ZCCHC14: variants seen among roughly 807,000 people sequenced by gnomAD.
ZCCHC14 encodes the protein zinc finger CCHC domain-containing protein 14.
ZCCHC14 carries 16 observed loss-of-function variants against 85.0 expected under a neutral mutation model. That is an observed-to-expected ratio of 0.19 (90% confidence interval 0.13 to 0.29). The LOEUF is 0.29. Ranked by LOEUF, ZCCHC14 falls within the 10% of genes least tolerant of loss-of-function variation. The probability of loss-of-function intolerance (pLI) is 1.00; values close to 1 mark genes in which losing one functional copy is unlikely to be tolerated. For synonymous variants in ZCCHC14, 775 were observed against 630.7 expected, an observed-to-expected ratio of 1.23 and a Z score of -3.43; for missense variants, 1,303 against 1,443.5, an observed-to-expected ratio of 0.90 and a Z score of 1.58.
chr16:87,432,090 C>A (rs921276595), intron 3 of ZCCHC14, among the ~76,000 whole-genome samples: 3 of 152,214 alleles, frequency 2.0e-5, no homozygotes, highest in African/African-American at 7.2e-5. Context: ...TAGCTACACT[C>A]TTCAAAAAAT....
rs1196103843 is a variant in ZCCHC14 at position 87,420,758 on chromosome 16, T to A, written c.841-42A>T. 2 of 1,521,748 alleles carry A rather than the reference T, an allele frequency of 1.3e-6. No individual in the cohort carries two copies. The highest frequency in any genetic ancestry group is 2.3e-5 in the East Asian group (1 of 42,744). The allele number at this position is 1,521,748 out of a possible 1,614,324, so 94.3% of individuals were successfully genotyped here. A position where few individuals can be genotyped will look rare whatever the true frequency, so the allele number is the denominator to read the frequency against. On this transcript the variant is annotated intron_variant, in intron 4 of 12. Transcript: ENST00000671377. This position sits in a 1 kb window ranked among gnomAD's most constrained non-coding sequence, Gnocchi z 5.0. ...GGTAGAGGAGGTGTGTCCAGACCCA[T>A]CCAACACCAGCAGAATTCTGCTACT...
chr16:87,443,536 G>GACT (rs1910285819), intron 2 of ZCCHC14, among the ~76,000 whole-genome samples: 1 of 152,102 alleles, frequency 6.6e-6, no homozygotes, highest in Non-Finnish European at 1.5e-5. Flanking sequence ...AGAAGTTAGA[G>GACT]ACTAGCCTGG....
At chr16:87,457,425 T>C (rs969762909) in intron 2 of ZCCHC14, among the ~76,000 whole-genome samples, 1 of 152,212 alleles carries the variant, frequency 6.6e-6, no homozygotes. Flanking sequence ...TTCTCCCATC[T>C]GTAAAATGGG....
At chr16:87,417,225 T>C (rs1427446798) in intron 8 of ZCCHC14, among the ~76,000 whole-genome samples, 1 of 152,070 alleles carries the variant, frequency 6.6e-6, no homozygotes, top group South Asian at 2.1e-4. Flanking sequence ...AGCATCTAGT[T>C]TGTGAAGGTC....
chr16:87,419,400 A>G (rs1033221735), intron 6 of ZCCHC14, among the ~76,000 whole-genome samples: 1 of 152,268 alleles, frequency 6.6e-6, no homozygotes, highest in African/African-American at 2.4e-5. Flanking sequence ...TCCCGGGTTC[A>G]AGTGATTCTT....
Position 87,411,808 on chromosome 16 carries a change from G to A in ZCCHC14, c.2913C>T (p.Gly971=). ...CGCCGTACTGCTGGGCGCTGACGTA[G>A]CCGCTGCTGCACATGGGACTGAAGG... ...FLPFSPMCSS[G]YVSAQQYGGG... is the part of the protein sequence containing the mutation. The change falls in exon 12 of 13, where the codon GGC becomes GGT. Residue 971 remains glycine, a synonymous_variant. Coordinates refer to ENST00000671377, the MANE Select transcript of ZCCHC14 (RefSeq NM_015144.3). The A allele has an allele frequency of 6.2e-7, 1 of 1,612,136 alleles. No individual in the cohort carries two copies. Among genetic ancestry groups the A allele is most frequent in the Admixed American group, 1.7e-5 (1 of 59,672 alleles).
chr16:87,425,128 C>T (rs960270560), intron 3 of ZCCHC14, among the ~76,000 whole-genome samples: 2 of 152,162 alleles, frequency 1.3e-5, no homozygotes, highest in African/African-American at 4.8e-5. Context: ...TTTCATCACG[C>T]CCTCATAATA....
At chr16:87,463,209 C>T (rs1911356843) in intron 1 of ZCCHC14, among the ~76,000 whole-genome samples, 1 of 152,134 alleles carries the variant, frequency 6.6e-6, no homozygotes, top group South Asian at 2.1e-4. Flanking sequence ...TATTGAGACC[C>T]CCATCTCTAC....
chr16:87,430,422 C>T (rs1397766519), intron 3 of ZCCHC14, among the ~76,000 whole-genome samples: 2 of 152,096 alleles, frequency 1.3e-5, no homozygotes, highest in African/African-American at 2.4e-5. Context: ...TCCTGCTGTT[C>T]GAGAAGGCTT....
chr16:87,489,582 C>A (rs1912659336), intron 1 of ZCCHC14, among the ~76,000 whole-genome samples: 1 of 152,128 alleles, frequency 6.6e-6, no homozygotes, highest in Admixed American at 6.6e-5. Flanking sequence ...TAGGTTACAT[C>A]CCCTCCACTG....
rs143498303 is a variant in ZCCHC14, at chr16:87,424,999, TCACCCA to T, written c.769-1124_769-1119del. ...AGGCACCCAAACCACCTCTGCTCCC[TCACCCA>T]CACCCACACCCACATCCATGGGCCT... is the stretch of plus-strand genomic sequence containing the variant. On this transcript the variant is annotated intron_variant, in intron 3 of 12. Transcript: ENST00000671377. 3.2e-3 allele frequency among the ~76,000 whole-genome samples: 488 copies of T among 152,196 alleles called. 4 individuals carry two copies. The highest frequency in any genetic ancestry group is 0.011 in the African/African-American group (470 of 41,508).
At chr16:87,440,890 C>T (rs998828178) in intron 2 of ZCCHC14, among the ~76,000 whole-genome samples, 4 of 152,160 alleles carry the variant, frequency 2.6e-5, no homozygotes, top group Admixed American at 2.6e-4. Context: ...ACTGGGCTTA[C>T]AGGCCTGCAC....
At chr16:87,458,074 G>A (rs1276176647) in intron 2 of ZCCHC14, among the ~76,000 whole-genome samples, 3 of 147,620 alleles carry the variant, frequency 2.0e-5, no homozygotes, top group East Asian at 3.9e-4. Flanking sequence ...GACAATGACA[G>A]ATACTCGCTA....
intron 1 of ZCCHC14, among the ~76,000 whole-genome samples, chr16:87,461,684 G>A (rs1597439770): frequency 6.6e-6 from 1 of 152,224 alleles, no homozygotes; most frequent in South Asian, 2.1e-4. Context: ...CCTCAGACAG[G>A]ATGAAAGTGG....
intron 3 of ZCCHC14, among the ~76,000 whole-genome samples, chr16:87,432,819 T>C (rs1261166573): frequency 6.6e-6 from 1 of 152,184 alleles, no homozygotes; most frequent in African/African-American, 2.4e-5. Flanking sequence ...CCGGGTTCTG[T>C]GTGCGCTGCT....
At chr16:87,472,727 A>T (rs1911825344) in intron 1 of ZCCHC14, 1 of 152,182 alleles carries the variant, frequency 6.6e-6, no homozygotes, top group Admixed American at 6.6e-5. Context: ...CCCCCTCAAG[A>T]AAAATGCACT....
At chr16:87,418,283 C>T (rs1908900666) in intron 7 of ZCCHC14, among the ~76,000 whole-genome samples, 1 of 152,216 alleles carries the variant, frequency 6.6e-6, no homozygotes, top group Admixed American at 6.5e-5. Context: ...ACCGGCACTC[C>T]ACTCTGGCCT....
intron 2 of ZCCHC14, among the ~76,000 whole-genome samples, chr16:87,455,657 G>A (rs1028461999): frequency 6.6e-6 from 1 of 152,196 alleles, no homozygotes; most frequent in Non-Finnish European, 1.5e-5. Context: ...GCTGAGGAAT[G>A]CTACAGGCAA....
chr16:87,417,205 C>T (rs922846205), intron 8 of ZCCHC14, among the ~76,000 whole-genome samples: 13 of 152,162 alleles, frequency 8.5e-5, no homozygotes, highest in East Asian at 5.8e-4. Flanking sequence ...CTGTCCCTCC[C>T]GTCACGCAGA....
Sources: gnomAD v4.1 joint callset for allele counts (sites outside exome capture counted in the v4.1 genomes callset) on GRCh38, gnomAD v4.1.1 for gene constraint, Gnocchi (gnomAD v3.1) non-coding constraint, MANE v1.5 for transcripts, NCBI Gene and HGNC (gene_info 2026-07-23, HGNC 2026-07-21) for gene names.